ZNF69: variants seen among roughly 807,000 people sequenced by gnomAD.
ZNF69 encodes zinc finger protein 69, also known as ZNF3.
ZNF69 carries 47 observed loss-of-function variants against 50.9 expected under a neutral mutation model. That is an observed-to-expected ratio of 0.92 (90% confidence interval 0.73 to 1.18). The LOEUF (loss-of-function observed/expected upper bound fraction) is 1.18. Among genes scored for constraint, ZNF69 ranks in the 50% most tolerant of loss-of-function variants. The pLI, the probability that ZNF69 is intolerant of heterozygous loss-of-function variation, is 0.00. For synonymous variants in ZNF69, 216 were observed against 223.1 expected (o/e 0.97, Z 0.29); for missense variants, 717 against 675.1 (o/e 1.06, Z -0.69).
At position 11,906,084 on chromosome 19, in the gene ZNF69, G is replaced by A. The variant is rs1194829353; in HGVS notation, c.1687G>A (p.Glu563Lys). 2 of 1,611,308 alleles carry A rather than the reference G, an allele frequency of 1.2e-6. No individual in the cohort carries two copies. Among genetic ancestry groups the A allele is most frequent in the Non-Finnish European group, 1.7e-6 (2 of 1,179,214 alleles). Residue 563 changes from glutamate (E) to lysine (K), a missense_variant, in exon 4 of 4, where the codon GAG (glutamate) becomes AAG (lysine). Transcript: ENST00000429654. Reference protein sequence around the residue: ...GRTHPEDKPYECKQ With the variant: ...GRTHPEDKPYKCKQ ...GACTCACCCTGAAGATAAACCCTAT[G>A]AGTGTAAGCAATGAGGGAAAGCCTT...
chr19:11,977,827 C>T, the ZNF69 span, among the ~76,000 whole-genome samples: 1 of 152,184 alleles, frequency 6.6e-6, no homozygotes, highest in Non-Finnish European at 1.5e-5. Context: ...CACTGTACTC[C>T]AGGATGGTCA....
the ZNF69 span, among the ~76,000 whole-genome samples, chr19:11,973,945 T>A: frequency 6.6e-6 from 1 of 152,128 alleles, no homozygotes; most frequent in Non-Finnish European, 1.5e-5. Flanking sequence ...TCCATTCACA[T>A]CCATAGTGAA....
At chr19:11,950,422 T>C in the ZNF69 span, 1 of 766,530 alleles carries the variant, frequency 1.3e-6, no homozygotes, top group Non-Finnish European at 2.2e-6. Flanking sequence ...CTTCATTCCT[T>C]TTACTTCTTT....
the ZNF69 span, chr19:11,979,798 G>A: frequency 7.0e-6 from 11 of 1,575,630 alleles, no homozygotes; most frequent in African/African-American, 8.1e-5. Flanking sequence ...AACCCTATGA[G>A]TGTAAGGAAT....
Position 11,905,305 on chromosome 19 carries a change from C to G in ZNF69, c.908C>G (p.Ala303Gly). 2 of 1,614,014 alleles carry G rather than the reference C, an allele frequency of 1.2e-6. No homozygotes were observed. Among genetic ancestry groups the G allele is most frequent in the Non-Finnish European group, 1.7e-6 (2 of 1,179,992 alleles). The change falls in exon 4 of 4, where the codon GCT becomes GGT. Residue 303 changes from alanine to glycine, a missense_variant. Coordinates refer to ENST00000429654, the MANE Select transcript of ZNF69 (RefSeq NM_001364730.1). ...GAAAGGATTCACACGGGAGAGAAGG[C>G]TTATCAATGTAAGGAATGTGGAAAA... ...RHERIHTGEK[A>G]YQCKECGKAF...
the ZNF69 span, chr19:11,978,770 G>A: frequency 6.2e-7 from 1 of 1,614,038 alleles, no homozygotes; most frequent in East Asian, 2.2e-5. Context: ...CTGGGGGAAA[G>A]CCATATGAAT....
chr19:11,948,494 A>G, the ZNF69 span: 3 of 1,614,056 alleles, frequency 1.9e-6, no homozygotes, highest in Non-Finnish European at 2.5e-6. Flanking sequence ...TATGAGTATC[A>G]GGAATATGGA....
At chr19:11,918,899 CTT>C (rs951386224), downstream of ZNF69, among the ~76,000 whole-genome samples, 11 of 140,876 alleles carry the variant, frequency 7.8e-5, no homozygotes, top group Non-Finnish European at 9.4e-5. Context: ...ACTTGTTTTT[CTT>C]TTTTTTTTTT....
At chr19:11,923,543 C>G in the ZNF69 span, among the ~76,000 whole-genome samples, 1 of 152,194 alleles carries the variant, frequency 6.6e-6, no homozygotes, top group Non-Finnish European at 1.5e-5. Context: ...CTCCACCTAT[C>G]CACATCCATC....
chr19:11,892,310 TC>T (rs761899881), intron 1 of ZNF69, among the ~76,000 whole-genome samples: 1 of 152,026 alleles, frequency 6.6e-6, no homozygotes, highest in Non-Finnish European at 1.5e-5. Context: ...TTTGCTTTTT[TC>T]CCCCAGCGCT....
At chr19:11,950,152 G>A in the ZNF69 span, 127 of 1,613,722 alleles carry the variant, frequency 7.9e-5, no homozygotes, top group African/African-American at 1.5e-4. Context: ...TAAGGAATGC[G>A]GAAAAGCATT....
the ZNF69 span, chr19:11,925,358 C>A: frequency 6.3e-7 from 1 of 1,577,468 alleles, no homozygotes; most frequent in Admixed American, 1.7e-5. Flanking sequence ...ACCCGGGCCT[C>A]CCTGTGGGCG....
chr19:11,948,545 C>A, the ZNF69 span: 1 of 1,610,486 alleles, frequency 6.2e-7, no homozygotes, highest in South Asian at 1.1e-5. Flanking sequence ...AATAAGAAAG[C>A]CTTCAGGTAT....
chr19:11,917,923 G>A (rs138050069), downstream of ZNF69, among the ~76,000 whole-genome samples: 79 of 151,924 alleles, frequency 5.2e-4, no homozygotes, highest in East Asian at 0.015. Context: ...GAGTAGCTGG[G>A]ATTATAGGCA....
At chr19:11,904,412 G>T (rs1218114185) in intron 3 of ZNF69, among the ~76,000 whole-genome samples, 1 of 152,140 alleles carries the variant, frequency 6.6e-6, no homozygotes, top group Non-Finnish European at 1.5e-5. Context: ...TTTAGTATTT[G>T]TAAAATAGTT....
At position 11,905,848 on chromosome 19, in the gene ZNF69, G is replaced by A. The variant is rs776448749; in HGVS notation, c.1451G>A (p.Gly484Glu). The A allele has an allele frequency of 1.9e-6, 3 of 1,613,860 alleles. No individual in the cohort carries two copies. Among genetic ancestry groups the A allele is most frequent in the Non-Finnish European group, 2.5e-6 (3 of 1,180,016 alleles). Residue 484 changes from glycine to glutamate, a missense_variant, in exon 4 of 4, where the codon GGG becomes GAG. Transcript: ENST00000429654. The part of the protein sequence containing the change: ...GERPYKCKLC[G>E]KGFYCPKSLQ... ...AGACCTTATAAATGTAAGCTATGTG[G>A]GAAAGGCTTTTATTGTCCCAAATCA... is the stretch of plus-strand genomic sequence containing the variant.
chr19:11,974,145 T>C, the ZNF69 span, among the ~76,000 whole-genome samples: 2 of 129,180 alleles, frequency 1.5e-5, 1 homozygote, highest in Non-Finnish European at 3.1e-5. Flanking sequence ...TTTCTTTCTT[T>C]CTTTCTTTCT....
In ZNF69 at chr19:11,905,266, G is replaced by A. The variant is rs536718864; in HGVS notation, c.869G>A (p.Cys290Tyr). 5 of 1,613,742 alleles carry A rather than the reference G, an allele frequency of 3.1e-6. No homozygotes were observed. The highest frequency in any genetic ancestry group is 2.7e-5 in the African/African-American group (2 of 74,838). ...GGGAAAGCATTTCATAGTCCCAGAT[G>A]CTATCGTAGACATGAAAGGATTCAC... ...QCGKAFHSPR[C>Y]YRRHERIHTG... The change falls in exon 4 of 4, where the codon TGC becomes TAC. Residue 290 changes from cysteine (C) to tyrosine (Y), a missense_variant. Coordinates refer to ENST00000429654, the MANE Select transcript of ZNF69 (RefSeq NM_001364730.1).
At chr19:11,971,430 G>A in the ZNF69 span, among the ~76,000 whole-genome samples, 3 of 152,038 alleles carry the variant, frequency 2.0e-5, no homozygotes, top group Admixed American at 2.0e-4. Flanking sequence ...GATTTTTTTA[G>A]AGTGATGCAA....
Sources: allele counts gnomAD v4.1 joint callset (sites outside exome capture counted in the v4.1 genomes callset), GRCh38; gene constraint gnomAD v4.1.1; transcripts MANE v1.5; gene names NCBI Gene and HGNC (gene_info 2026-07-23, HGNC 2026-07-21).